TMEM132B: variants seen among roughly 807,000 people sequenced by gnomAD.
TMEM132B encodes transmembrane protein 132B.
In TMEM132B, 18 loss-of-function variants were observed where a neutral mutation model predicts 90.8. The observed-to-expected ratio is 0.20, with a 90% CI of 0.14 to 0.29. The LOEUF (loss-of-function observed/expected upper bound fraction) is 0.29. Ranked by LOEUF, TMEM132B falls within the 10% of genes least tolerant of loss-of-function variation. TMEM132B has a pLI of 1.00. For synonymous variants in TMEM132B, 504 were observed against 523.3 expected, an observed-to-expected ratio of 0.96 and a Z score of 0.50; for missense variants, 1,096 against 1,326.8, an observed-to-expected ratio of 0.83 and a Z score of 2.70.
intron 5 of TMEM132B, among the ~76,000 whole-genome samples, chr12:125,598,722 A>G (rs762049491): frequency 6.6e-6 from 1 of 152,234 alleles, no homozygotes; most frequent in Non-Finnish European, 1.5e-5. Flanking sequence ...TACATGATCC[A>G]TTGCCACATG....
intron 5 of TMEM132B, among the ~76,000 whole-genome samples, chr12:125,630,881 G>A (rs934135287): frequency 6.6e-6 from 1 of 151,942 alleles, no homozygotes; most frequent in African/African-American, 2.4e-5. Flanking sequence ...AAGGATAATG[G>A]CCTGCAGATT....
chr12:125,229,029 C>T (rs897726645), intron 1 of TMEM132B, among the ~76,000 whole-genome samples: 11 of 152,126 alleles, frequency 7.2e-5, no homozygotes, highest in African/African-American at 1.2e-4. Flanking sequence ...GTGCCGCGGG[C>T]GAGGGAGACC....
At chr12:125,414,895 C>T (rs1212293881) in intron 2 of TMEM132B, among the ~76,000 whole-genome samples, 6 of 152,196 alleles carry the variant, frequency 3.9e-5, no homozygotes, top group African/African-American at 1.4e-4. Flanking sequence ...GAAACCCAGA[C>T]TGTGAACTCT....
At chr12:125,230,193 C>CT (rs1873785867) in intron 1 of TMEM132B, among the ~76,000 whole-genome samples, 1 of 152,186 alleles carries the variant, frequency 6.6e-6, no homozygotes, top group African/African-American at 2.4e-5. Flanking sequence ...CCTCTAGTTT[C>CT]TTTTTTTAAT....
chr12:125,475,911 A>G (rs1043897437), intron 3 of TMEM132B, among the ~76,000 whole-genome samples: 3 of 152,190 alleles, frequency 2.0e-5, no homozygotes, highest in African/African-American at 7.2e-5. Context: ...AACTTTTCTC[A>G]GTATTGCTGA....
chr12:125,430,279 G>A (rs1880460771), intron 3 of TMEM132B, among the ~76,000 whole-genome samples: 1 of 152,208 alleles, frequency 6.6e-6, no homozygotes, highest in South Asian at 2.1e-4. Context: ...ACTGGCCGGG[G>A]CTGTCTGCAC....
At chr12:125,331,022 G>C (rs1317278490) in intron 1 of TMEM132B, among the ~76,000 whole-genome samples, 1 of 152,256 alleles carries the variant, frequency 6.6e-6, no homozygotes, top group Non-Finnish European at 1.5e-5. Flanking sequence ...CCCAAATCGG[G>C]GTTTCGTCTC....
Position 125,385,211 on chromosome 12 carries a change from C to T in TMEM132B, c.960-30320C>T, listed in dbSNP as rs1276621221. On this transcript the variant is annotated intron_variant, in intron 2 of 8. Coordinates refer to ENST00000682704, the MANE Select transcript of TMEM132B (RefSeq NM_001366854.1). ...TTGATGTAGATTGTTTTCTTTTGCT[C>T]TCACAGCAAAAAAGATTAAAAAACT... Among the ~76,000 whole-genome samples, 4 of 152,072 alleles carry T rather than the reference C, an allele frequency of 2.6e-5. No individual in the cohort carries two copies. The East Asian group carries it at 7.7e-4, about 29-fold the overall frequency.
chr12:125,435,594 C>T (rs1438377505), intron 3 of TMEM132B, among the ~76,000 whole-genome samples: 1 of 152,198 alleles, frequency 6.6e-6, no homozygotes, highest in Non-Finnish European at 1.5e-5. Context: ...CCGCACTGAA[C>T]AAAATGGTCA....
At chr12:125,621,474 T>C (rs1215602465) in intron 5 of TMEM132B, among the ~76,000 whole-genome samples, 1 of 151,914 alleles carries the variant, frequency 6.6e-6, no homozygotes, top group Admixed American at 6.6e-5. Context: ...CAGATGGAGA[T>C]TTGAAGACCA....
At chr12:125,339,148 T>C (rs1027445941) in intron 1 of TMEM132B, among the ~76,000 whole-genome samples, 1 of 152,208 alleles carries the variant, frequency 6.6e-6, no homozygotes, top group African/African-American at 2.4e-5. Context: ...GTCTAGCTAA[T>C]AGGATTTTGA....
Position 125,617,953 on chromosome 12 carries a change from CAAA to C in TMEM132B, c.1438-26111_1438-26109del, listed in dbSNP as rs59348979. Among the ~76,000 whole-genome samples, 1,182 of 144,596 alleles carry C rather than the reference CAAA, an allele frequency of 8.2e-3. 14 individuals carry two copies. The highest frequency in any genetic ancestry group is 0.027 in the Admixed American group (398 of 14,644). 94.9% of individuals were successfully genotyped at this position (144,596 alleles called of 152,430 possible). On this transcript the variant is annotated intron_variant, in intron 5 of 8. Transcript: ENST00000682704. ...CCAGTCCCTTTTTAATTGCTTACTA[CAAA>C]AAAAAAAAAAACTCCATTATTTTTG...
At chr12:125,316,029 A>G (rs1194193822) in intron 1 of TMEM132B, among the ~76,000 whole-genome samples, 1 of 152,184 alleles carries the variant, frequency 6.6e-6, no homozygotes, top group African/African-American at 2.4e-5. Context: ...TTAGAGTAGC[A>G]GAGTTTGTCC....
intron 1 of TMEM132B, among the ~76,000 whole-genome samples, chr12:125,280,811 CTT>C (rs756026106): frequency 1.3e-5 from 2 of 152,222 alleles, no homozygotes; most frequent in Admixed American, 1.3e-4. Flanking sequence ...GGAAACCAGA[CTT>C]TTGATTTCCC....
intron 1 of TMEM132B, chr12:125,327,298 G>C (rs1412611450): frequency 6.6e-6 from 1 of 152,418 alleles, no homozygotes; most frequent in African/African-American, 2.4e-5. Context: ...CCCAAGCAGA[G>C]CTCAGCACCT....
intron 2 of TMEM132B, among the ~76,000 whole-genome samples, chr12:125,401,540 C>A (rs2136321183): frequency 6.6e-6 from 1 of 152,140 alleles, no homozygotes; most frequent in East Asian, 1.9e-4. Context: ...ATGGTGGTGT[C>A]TGTGGGAGAG....
chr12:125,233,079 A>G lies in TMEM132B; in HGVS notation c.67+46213A>G, dbSNP rs555250560. On this transcript the variant is annotated intron_variant, in intron 1 of 8. Coordinates refer to ENST00000682704, the MANE Select transcript of TMEM132B (RefSeq NM_001366854.1). ...CCTGGCTTGGGGTGTTTGTTTCCCT[A>G]GGTAGGTCAGTGTGTTAATCTTGGC... Among the ~76,000 whole-genome samples the G allele has an allele frequency of 8.5e-5, 13 of 152,160 alleles. No individual in the cohort carries two copies. The South Asian group carries it at 2.7e-3, about 32-fold the overall frequency.
intron 1 of TMEM132B, among the ~76,000 whole-genome samples, chr12:125,253,237 G>A (rs563408050): frequency 1.2e-4 from 18 of 152,274 alleles, no homozygotes; most frequent in African/African-American, 4.3e-4. Context: ...GGGTCCCTGA[G>A]TGTTGCCGTT....
At chr12:125,196,847 TTAA>T (rs751235446) in intron 1 of TMEM132B, among the ~76,000 whole-genome samples, 15 of 152,338 alleles carry the variant, frequency 9.8e-5, no homozygotes, top group Middle Eastern at 3.4e-3. Flanking sequence ...GCTGATGATC[TTAA>T]TAATGATGCT....
Sources: gnomAD v4.1 joint callset for allele counts (sites outside exome capture counted in the v4.1 genomes callset) on GRCh38, gnomAD v4.1.1 for gene constraint, MANE v1.5 for transcripts, NCBI Gene and HGNC (gene_info 2026-07-23, HGNC 2026-07-21) for gene names.